Variants in DENND5B observed in about 807,000 individuals in gnomAD.
DENND5B encodes the protein DENN domain containing 5B, also known as DENN domain-containing protein 5B.
Under a neutral mutation model 140.6 loss-of-function variants are expected in DENND5B, and 34 were observed. That is an observed-to-expected ratio of 0.24 (90% CI 0.18 to 0.32). The LOEUF (loss-of-function observed/expected upper bound fraction) is 0.32, where lower values mean the gene tolerates loss of function less well. Among genes scored for constraint, DENND5B ranks in the 10% least tolerant of loss-of-function variants. DENND5B has a pLI of 1.00. For synonymous variants in DENND5B, 551 were observed against 562.1 expected, an observed-to-expected ratio of 0.98 and a Z score of 0.28; for missense variants, 1,142 against 1,560.2, an observed-to-expected ratio of 0.73 and a Z score of 4.52.
At chr12:31,404,204 A>G (rs1941991600) in intron 14 of DENND5B, among the ~76,000 whole-genome samples, 1 of 152,210 alleles carries the variant, frequency 6.6e-6, no homozygotes, top group Non-Finnish European at 1.5e-5. Context: ...CAGCCTGGGC[A>G]ACACAGCGAG....
chr12:31,417,997 G>A (rs1270186582), intron 11 of DENND5B, among the ~76,000 whole-genome samples: 1 of 152,186 alleles, frequency 6.6e-6, no homozygotes, highest in Admixed American at 6.6e-5. Flanking sequence ...GGTGTATTCG[G>A]ATCCCTATGC....
chr12:31,479,531 A>C, intron 3 of DENND5B, 58 bp downstream of exon 3: 4 of 1,397,664 alleles, frequency 2.9e-6, no homozygotes, highest in Non-Finnish European at 3.8e-6. Context: ...ATGGAAACAC[A>C]GTAGTTGGGA....
chr12:31,560,312 C>T (rs1438644307), intron 1 of DENND5B, among the ~76,000 whole-genome samples: 1 of 152,206 alleles, frequency 6.6e-6, no homozygotes, highest in African/African-American at 2.4e-5. Context: ...CTTCAACTTA[C>T]TGAAGTTTAA....
intron 1 of DENND5B, among the ~76,000 whole-genome samples, chr12:31,584,632 T>A (rs1220997845): frequency 1.3e-5 from 2 of 151,860 alleles, no homozygotes; most frequent in Non-Finnish European, 2.9e-5. Context: ...TTAGGCAACA[T>A]CTTTGTAGAG....
intron 1 of DENND5B, among the ~76,000 whole-genome samples, chr12:31,510,244 T>C (rs1350706325): frequency 1.3e-5 from 2 of 152,158 alleles, no homozygotes; most frequent in African/African-American, 2.4e-5. Flanking sequence ...TTACTCCAAG[T>C]CTGACAATAC....
intron 1 of DENND5B, among the ~76,000 whole-genome samples, chr12:31,586,101 T>C (rs1353896817): frequency 6.6e-6 from 1 of 152,172 alleles, no homozygotes; most frequent in African/African-American, 2.4e-5. Flanking sequence ...CATTTTCCCA[T>C]TGCTCAAAAG....
At chr12:31,524,527 C>T (rs1948018571) in intron 1 of DENND5B, among the ~76,000 whole-genome samples, 1 of 152,120 alleles carries the variant, frequency 6.6e-6, no homozygotes, top group Admixed American at 6.5e-5. Flanking sequence ...ATGGCATGTG[C>T]CTGTAATCCC....
chr12:31,493,662 T>G (rs1311831742), intron 2 of DENND5B, among the ~76,000 whole-genome samples: 1 of 152,048 alleles, frequency 6.6e-6, no homozygotes, highest in African/African-American at 2.4e-5. Flanking sequence ...AAACCCTGTC[T>G]CTACTAAAAA....
At chr12:31,449,898 T>G (rs1172267740) in intron 5 of DENND5B, among the ~76,000 whole-genome samples, 5 of 151,920 alleles carry the variant, frequency 3.3e-5, no homozygotes, top group Admixed American at 3.3e-4. Context: ...GCCCGGCTAA[T>G]TTTTTTGTAT....
intron 1 of DENND5B, among the ~76,000 whole-genome samples, chr12:31,511,385 C>T (rs1022140804): frequency 2.0e-5 from 3 of 152,078 alleles, no homozygotes; most frequent in African/African-American, 7.2e-5. Flanking sequence ...AATTCCATAG[C>T]TTAATTTTTA....
At position 31,511,294 on chromosome 12, in the gene DENND5B, C is replaced by G. The variant is rs148168020; in HGVS notation, c.128-15375G>C. 9.9e-3 allele frequency among the ~76,000 whole-genome samples: 1,508 copies of G among 152,234 alleles called. 27 individuals carry two copies. Among genetic ancestry groups the G allele is most frequent in the African/African-American group, 0.035 (1,442 of 41,534 alleles). The stretch of plus-strand genomic sequence containing the variant: ...ACCTCCTGGGGAAACCTTTCTTGAC[C>G]TGTCCAGAAGAGAGGAGTTTCTTCC... On this transcript the variant is annotated intron_variant, in intron 1 of 20. Transcript: ENST00000389082.
At chr12:31,493,737 A>G (rs1010047382) in intron 2 of DENND5B, among the ~76,000 whole-genome samples, 1 of 152,100 alleles carries the variant, frequency 6.6e-6, no homozygotes, top group Non-Finnish European at 1.5e-5. Flanking sequence ...AGGCTGAGGC[A>G]GGAGGATTGC....
chr12:31,432,223 G>T, intron 8 of DENND5B: 1 of 516,542 alleles, frequency 1.9e-6, no homozygotes, highest in Non-Finnish European at 2.5e-6. Flanking sequence ...GAGACAAGCA[G>T]AACAAGCATG....
intron 6 of DENND5B, chr12:31,443,653 A>G (rs1253608552): frequency 6.6e-6 from 1 of 152,228 alleles, no homozygotes; most frequent in Non-Finnish European, 1.5e-5. Flanking sequence ...GTTAAAGAGA[A>G]GACGCAAGCA....
At chr12:31,433,937 G>A (rs1202454359) in intron 7 of DENND5B, among the ~76,000 whole-genome samples, 1 of 152,196 alleles carries the variant, frequency 6.6e-6, no homozygotes, top group East Asian at 1.9e-4. Context: ...TGGGGCCGCA[G>A]TGTGCCACGA....
chr12:31,431,624 G>T (rs1168416436), intron 8 of DENND5B, among the ~76,000 whole-genome samples: 1 of 152,104 alleles, frequency 6.6e-6, no homozygotes, highest in African/African-American at 2.4e-5. Flanking sequence ...GACCAGGAAG[G>T]GGAAATTAAA....
intron 1 of DENND5B, among the ~76,000 whole-genome samples, chr12:31,567,874 T>C (rs1348795858): frequency 1.3e-5 from 2 of 152,196 alleles, no homozygotes; most frequent in Admixed American, 1.3e-4. Flanking sequence ...GGGGGTTGTT[T>C]TGTTTTGTAG....
At position 31,383,839 on chromosome 12, in the gene DENND5B, T is replaced by A. The variant is rs1398217741; in HGVS notation, c.*3764A>T. 4 of 152,160 alleles carry A rather than the reference T, an allele frequency of 2.6e-5. No homozygotes were observed. The East Asian group carries it at 7.7e-4, about 29-fold the overall frequency. The allele number at this position is 152,160 out of a possible 1,614,324, so 9.4% of individuals were successfully genotyped here. On this transcript the variant is annotated 3_prime_UTR_variant, in exon 21 of 21. Transcript: ENST00000389082. Reference sequence around the variant, plus strand: ...GGGGTTTCATGACATATGAAAAACTTTGGGAAAATAAATTTTTCAAGAGGT... The same window carrying A: ...GGGGTTTCATGACATATGAAAAACTATGGGAAAATAAATTTTTCAAGAGGT...
intron 14 of DENND5B, among the ~76,000 whole-genome samples, chr12:31,405,367 C>A (rs912248073): frequency 6.6e-6 from 1 of 151,980 alleles, no homozygotes; most frequent in Non-Finnish European, 1.5e-5. Context: ...GAGGTGTGCA[C>A]CACTACGCCC....
Sources: allele counts gnomAD v4.1 joint callset (sites outside exome capture counted in the v4.1 genomes callset), GRCh38; gene constraint gnomAD v4.1.1; transcripts MANE v1.5; gene names NCBI Gene and HGNC (gene_info 2026-07-23, HGNC 2026-07-21).